The following MACROD2 variants were observed in gnomAD, a reference collection of about 807,000 sequenced individuals.
MACROD2 encodes the protein mono-ADP ribosylhydrolase 2.
A neutral mutation model predicts 70.4 loss-of-function variants in MACROD2; 36 were observed. The ratio of observed to expected loss-of-function variants is 0.51; its 90% confidence interval spans 0.39 to 0.68. The LOEUF (loss-of-function observed/expected upper bound fraction) is 0.68. Ranked by LOEUF, MACROD2 falls within the 30% of genes least tolerant of loss-of-function variation. The pLI is 0.00. For synonymous variants in MACROD2, 172 were observed against 178.8 expected, an observed-to-expected ratio of 0.96 and a Z score of 0.30; for missense variants, 496 against 538.4, an observed-to-expected ratio of 0.92 and a Z score of 0.78.
In MACROD2 at chr20:15,216,791, G is replaced by A. The variant is rs142267465; in HGVS notation, c.419-13149G>A. 4.1e-3 allele frequency among the ~76,000 whole-genome samples: 625 copies of A among 152,224 alleles called. 1 individual carries two copies. Among genetic ancestry groups the A allele is most frequent in the Non-Finnish European group, 6.9e-3 (466 of 68,018 alleles). ...TAAGCGCTTTTCTCAGAAGACGCCC[G>A]TGAAACTGCTCCTCACATTCTCTGC... On this transcript the variant is annotated intron_variant, in intron 5 of 17. Coordinates refer to ENST00000684519, the MANE Select transcript of MACROD2 (RefSeq NM_001351661.2).
intron 5 of MACROD2, among the ~76,000 whole-genome samples, chr20:14,867,647 G>A (rs182668325): frequency 2.6e-5 from 4 of 151,974 alleles, no homozygotes; most frequent in African/African-American, 7.3e-5. Context: ...TACTTCCAGC[G>A]GTAATTACAT....
At chr20:14,735,570 T>C (rs6042885) in intron 5 of MACROD2, among the ~76,000 whole-genome samples, 1,652 of 152,212 alleles carry the variant, frequency 0.011, 25 homozygotes, top group African/African-American at 0.038. Context: ...GCAACCAGGC[T>C]GGCATGGTGG....
chr20:14,186,010 A>T (rs972523002), intron 3 of MACROD2, among the ~76,000 whole-genome samples: 1 of 152,176 alleles, frequency 6.6e-6, no homozygotes. Flanking sequence ...GTACATAGGC[A>T]TGTGCTATCT....
chr20:14,370,454 TTTTTG>T (rs1276582484), intron 3 of MACROD2, among the ~76,000 whole-genome samples: 1 of 152,148 alleles, frequency 6.6e-6, no homozygotes, highest in Non-Finnish European at 1.5e-5. Context: ...TATCCTTCTT[TTTTTG>T]TTTTGTTTTA....
At chr20:14,074,219 G>A (rs552037375) in intron 2 of MACROD2, among the ~76,000 whole-genome samples, 9 of 152,208 alleles carry the variant, frequency 5.9e-5, no homozygotes, top group Non-Finnish European at 1.2e-4. Context: ...AGCTCAGTTC[G>A]ATACTGACGT....
intron 8 of MACROD2, among the ~76,000 whole-genome samples, chr20:15,527,374 G>A (rs1206017430): frequency 6.6e-6 from 1 of 152,174 alleles, no homozygotes; most frequent in Non-Finnish European, 1.5e-5. Flanking sequence ...GAAATTATCT[G>A]AAAGGGCATT....
intron 5 of MACROD2, among the ~76,000 whole-genome samples, chr20:14,875,929 T>C (rs1253187605): frequency 5.9e-5 from 9 of 152,182 alleles, no homozygotes; most frequent in Admixed American, 5.9e-4. Context: ...CTATTGTGAA[T>C]AGAACTATGG....
intron 8 of MACROD2, among the ~76,000 whole-genome samples, chr20:15,654,969 G>A (rs965984255): frequency 2.0e-5 from 3 of 152,136 alleles, no homozygotes; most frequent in Non-Finnish European, 2.9e-5. Flanking sequence ...GGTGGAGGCC[G>A]CATATGATTT....
chr20:14,789,475 T>C (rs1956493137), intron 5 of MACROD2, among the ~76,000 whole-genome samples: 1 of 122,712 alleles, frequency 8.1e-6, no homozygotes, highest in African/African-American at 3.1e-5. Flanking sequence ...TTTTTTTTTT[T>C]TTTTTTTTTT....
At chr20:14,240,644 A>G (rs2081920695) in intron 3 of MACROD2, among the ~76,000 whole-genome samples, 1 of 152,222 alleles carries the variant, frequency 6.6e-6, no homozygotes, top group Admixed American at 6.5e-5. Context: ...AACACTGAAT[A>G]GACATGGACA....
At position 15,645,104 on chromosome 20, in the gene MACROD2, T is replaced by C. The variant is rs150232410; in HGVS notation, c.645+145257T>C. Among the ~76,000 whole-genome samples the C allele has an allele frequency of 1.4e-3, 218 of 152,302 alleles. No homozygotes were observed. The East Asian group carries it at 0.015, about 11-fold the overall frequency. On this transcript the variant is annotated intron_variant, in intron 8 of 17. Transcript: ENST00000684519. ...TCTTCATCACCATGTTTAAAGCACA[T>C]TCTCGTGACTCAAAATAAATGATTG...
intron 8 of MACROD2, among the ~76,000 whole-genome samples, chr20:15,548,769 A>G (rs1421176336): frequency 2.0e-5 from 3 of 152,156 alleles, no homozygotes; most frequent in African/African-American, 7.2e-5. Context: ...TAAAGGCCAT[A>G]CTATCCTTGG....
rs538279341 is a variant in MACROD2, at chr20:15,914,508, A to T, written c.776-18768A>T. 3.3e-5 allele frequency among the ~76,000 whole-genome samples: 5 copies of T among 152,218 alleles called. 1 individual carries two copies. Among genetic ancestry groups the T allele is most frequent in the Non-Finnish European group, 1.5e-5 (1 of 68,032 alleles). ...ATATAAAAAGTGAGGCAAGTGTAGC[A>T]TACACCTTTCAGTATTTGGGGTGAG... On this transcript the variant is annotated intron_variant, in intron 10 of 17. Coordinates refer to ENST00000684519, the MANE Select transcript of MACROD2 (RefSeq NM_001351661.2).
At chr20:15,942,960 G>T (rs2065770963) in intron 12 of MACROD2, among the ~76,000 whole-genome samples, 1 of 152,086 alleles carries the variant, frequency 6.6e-6, no homozygotes, top group Admixed American at 6.6e-5. Context: ...GCATACCCAG[G>T]CTTGTATTCC....
chr20:15,129,539 A>T (rs2076090092), intron 5 of MACROD2, among the ~76,000 whole-genome samples: 1 of 152,138 alleles, frequency 6.6e-6, no homozygotes, highest in Non-Finnish European at 1.5e-5. Context: ...AGAATAGACT[A>T]CTTAAATTAA....
intron 7 of MACROD2, among the ~76,000 whole-genome samples, chr20:15,461,006 A>ATATATATATATATATTTT: frequency 0.011 from 751 of 66,692 alleles, 16 homozygotes; most frequent in Non-Finnish European, 0.018. Context: ...ATATATATAT[A>ATATATATATATATATTTT]TTTTTTTTTA....
intron 5 of MACROD2, among the ~76,000 whole-genome samples, chr20:15,007,845 G>C (rs2075052083): frequency 6.6e-6 from 1 of 152,190 alleles, no homozygotes; most frequent in Non-Finnish European, 1.5e-5. Flanking sequence ...TCTGGGGCCA[G>C]GCTTGCCCAT....
intron 4 of MACROD2, among the ~76,000 whole-genome samples, chr20:14,494,890 A>T (rs185941520): frequency 1.2e-4 from 18 of 152,256 alleles, no homozygotes; most frequent in African/African-American, 4.3e-4. Context: ...TGAAGAAAAC[A>T]TGATTAAGTT....
At chr20:14,108,366 C>A (rs2054399873) in intron 3 of MACROD2, among the ~76,000 whole-genome samples, 1 of 150,810 alleles carries the variant, frequency 6.6e-6, no homozygotes, top group African/African-American at 2.4e-5. Context: ...ACAAAGCAAC[C>A]AGAAAACAAA....
Sources: gnomAD v4.1 joint callset for allele counts (sites outside exome capture counted in the v4.1 genomes callset) on GRCh38, gnomAD v4.1.1 for gene constraint, MANE v1.5 for transcripts, NCBI Gene and HGNC (gene_info 2026-07-23, HGNC 2026-07-21) for gene names.